ABCG2: variants seen among roughly 807,000 people sequenced by gnomAD.
ABCG2 encodes the protein broad substrate specificity ATP-binding cassette transporter ABCG2.
ABCG2 carries 80 observed loss-of-function variants against 73.5 expected under a neutral mutation model. The ratio of observed to expected loss-of-function variants is 1.09; its 90% CI spans 0.91 to 1.31. The LOEUF (loss-of-function observed/expected upper bound fraction) is 1.31, where lower values mean the gene tolerates loss of function less well. ABCG2 is among the 50% of genes most tolerant of loss of function. ABCG2 has a pLI of 0.00. For synonymous variants in ABCG2, 269 were observed against 282.4 expected (o/e 0.95, Z 0.48); for missense variants, 796 against 786.2 (o/e 1.01, Z -0.15).
chr4:88,186,454 G>A (rs543036375), intron 1 of ABCG2, among the ~76,000 whole-genome samples: 1 of 152,212 alleles, frequency 6.6e-6, no homozygotes, highest in South Asian at 2.1e-4. Context: ...GCAACATAGT[G>A]AGACCCCATC....
chr4:88,097,905 A>T (rs1722096614), intron 12 of ABCG2, among the ~76,000 whole-genome samples: 1 of 152,220 alleles, frequency 6.6e-6, no homozygotes, highest in Non-Finnish European at 1.5e-5. Context: ...CTCTTTTCAC[A>T]GGAAACTCAT....
At chr4:88,115,856 T>C (rs966963767) in intron 7 of ABCG2, among the ~76,000 whole-genome samples, 1 of 152,080 alleles carries the variant, frequency 6.6e-6, no homozygotes, top group Non-Finnish European at 1.5e-5. Flanking sequence ...AATGCCAGAA[T>C]GATAGAACCC....
At chr4:88,229,036 A>G (rs4693939) in intron 1 of ABCG2, among the ~76,000 whole-genome samples, 151,369 of 152,338 alleles carry the variant, frequency 0.99, 75,210 homozygotes, top group East Asian at 1. Flanking sequence ...CTGGCCACCC[A>G]AGCAAGCAGT....
At chr4:88,128,887 T>C (rs938398190) in intron 5 of ABCG2, among the ~76,000 whole-genome samples, 2 of 152,200 alleles carry the variant, frequency 1.3e-5, no homozygotes, top group Non-Finnish European at 2.9e-5. Flanking sequence ...ACCTGCACGT[T>C]CTGCACATGT....
chr4:88,148,306 G>A (rs1421848757), intron 1 of ABCG2, among the ~76,000 whole-genome samples: 1 of 152,136 alleles, frequency 6.6e-6, no homozygotes, highest in Non-Finnish European at 1.5e-5. Context: ...TGGAAAAGAA[G>A]AAAGGAGAAG....
chr4:88,200,809 G>C (rs958621609), intron 1 of ABCG2, among the ~76,000 whole-genome samples: 9 of 152,112 alleles, frequency 5.9e-5, no homozygotes, highest in Non-Finnish European at 1.2e-4. Flanking sequence ...ACCGTGCCCA[G>C]CCTATTTTTC....
intron 1 of ABCG2, among the ~76,000 whole-genome samples, chr4:88,221,879 C>G (rs1730024477): frequency 1.3e-5 from 2 of 152,184 alleles, no homozygotes; most frequent in African/African-American, 4.8e-5. Context: ...AATTCAAGCA[C>G]ACTGAAGAAA....
intron 9 of ABCG2, among the ~76,000 whole-genome samples, chr4:88,112,862 C>T (rs925123950): frequency 2.6e-5 from 4 of 152,176 alleles, no homozygotes; most frequent in Non-Finnish European, 5.9e-5. Context: ...GTAATCCTAG[C>T]ACTCTGGGAG....
At chr4:88,153,152 C>T (rs1391810339) in intron 1 of ABCG2, among the ~76,000 whole-genome samples, 1 of 152,038 alleles carries the variant, frequency 6.6e-6, no homozygotes, top group Non-Finnish European at 1.5e-5. Flanking sequence ...TTGAGAGTGG[C>T]GGTTTGGGGA....
At chr4:88,137,012 C>CAATAAAATAAAATAAAATAA (rs56033368) in intron 2 of ABCG2, among the ~76,000 whole-genome samples, 4,390 of 123,380 alleles carry the variant, frequency 0.036, 189 homozygotes, top group East Asian at 0.077. Context: ...ACCTCCATCT[C>CAATAAAATAAAATAAAATAA]AATAAAATAA....
At chr4:88,168,056 G>C (rs1365556461) in intron 1 of ABCG2, among the ~76,000 whole-genome samples, 5 of 149,776 alleles carry the variant, frequency 3.3e-5, no homozygotes, top group Non-Finnish European at 7.4e-5. Context: ...TTTACACAGA[G>C]AGAGACAGCA....
chr4:88,184,380 C>CA (rs1728370258), intron 1 of ABCG2, among the ~76,000 whole-genome samples: 1 of 151,978 alleles, frequency 6.6e-6, no homozygotes, highest in African/African-American at 2.4e-5. Flanking sequence ...AATCAACATA[C>CA]AAAAAATCAG....
At chr4:88,205,495 C>T (rs7672194) in intron 1 of ABCG2, among the ~76,000 whole-genome samples, 58,734 of 151,868 alleles carry the variant, frequency 0.39, 12,581 homozygotes, top group East Asian at 0.6. Flanking sequence ...TATAAATGAC[C>T]CATAGATGTA....
chr4:88,185,256 C>T (rs1181511573), intron 1 of ABCG2, among the ~76,000 whole-genome samples: 1 of 152,102 alleles, frequency 6.6e-6, no homozygotes, highest in African/African-American at 2.4e-5. Flanking sequence ...CCCAGCTACT[C>T]GTGAGGCTGA....
chr4:88,146,200 G>A (rs1725984544), intron 1 of ABCG2, among the ~76,000 whole-genome samples: 1 of 151,962 alleles, frequency 6.6e-6, no homozygotes, highest in Non-Finnish European at 1.5e-5. Flanking sequence ...ATCGCTGTTA[G>A]GTTTTCTTAA....
chr4:88,153,661 A>G (rs1726706890), intron 1 of ABCG2, among the ~76,000 whole-genome samples: 1 of 152,028 alleles, frequency 6.6e-6, no homozygotes, highest in Admixed American at 6.6e-5. Context: ...AAACCAAGGA[A>G]TTATGTCTGA....
chr4:88,229,529 C>A (rs181525967), intron 1 of ABCG2, among the ~76,000 whole-genome samples: 222 of 152,216 alleles, frequency 1.5e-3, no homozygotes, highest in African/African-American at 5.2e-3. Context: ...TCACATTTTT[C>A]CAACTAAGAA....
At chr4:88,110,559 T>C (rs1212718419) in intron 9 of ABCG2, among the ~76,000 whole-genome samples, 1 of 151,724 alleles carries the variant, frequency 6.6e-6, no homozygotes, top group Admixed American at 6.6e-5. Flanking sequence ...AAAAAGGGGG[T>C]CTTGCTTTAT....
At chr4:88,111,464 T>TTATATA (rs1467309399) in intron 9 of ABCG2, among the ~76,000 whole-genome samples, 1 of 152,104 alleles carries the variant, frequency 6.6e-6, no homozygotes, top group African/African-American at 2.4e-5. Flanking sequence ...TTAGATAAAT[T>TTATATA]TATATATATA....
Sources: gnomAD v4.1 joint callset for allele counts (sites outside exome capture counted in the v4.1 genomes callset) on GRCh38, gnomAD v4.1.1 for gene constraint, MANE v1.5 for transcripts, NCBI Gene and HGNC (gene_info 2026-07-23, HGNC 2026-07-21) for gene names.